The following TCF7L2 variants were observed in gnomAD, a reference collection of about 807,000 sequenced individuals.
The protein encoded by TCF7L2 is transcription factor 7-like 2.
A neutral mutation model predicts 77.9 loss-of-function variants in TCF7L2; 23 were observed. That is an observed-to-expected ratio of 0.30 (90% CI 0.21 to 0.42). The LOEUF is 0.42. TCF7L2 is among the 10% of genes least tolerant of loss of function. The pLI is 1.00. For missense variants in TCF7L2, 654 were observed against 793.1 expected, an observed-to-expected ratio of 0.82 and a Z score of 2.11; for synonymous variants, 413 against 340.2, an observed-to-expected ratio of 1.21 and a Z score of -2.36.
intron 3 of TCF7L2, among the ~76,000 whole-genome samples, chr10:112,961,090 C>T (rs560781768): frequency 8.0e-4 from 120 of 150,096 alleles, no homozygotes; most frequent in Admixed American, 1.6e-3. Context: ...TCTCGCTCAC[C>T]GCAACCTCCC....
At chr10:113,098,561 C>A (rs949490743) in intron 5 of TCF7L2, among the ~76,000 whole-genome samples, 1 of 151,852 alleles carries the variant, frequency 6.6e-6, no homozygotes, top group Non-Finnish European at 1.5e-5. Context: ...CAAAAATTAG[C>A]CAGGCATGGT....
chr10:113,049,431 C>T (rs975947202), intron 5 of TCF7L2, among the ~76,000 whole-genome samples: 11 of 152,088 alleles, frequency 7.2e-5, no homozygotes, highest in Admixed American at 2.6e-4. Flanking sequence ...TTCAACCCAT[C>T]AGCCCATCCC....
chr10:113,085,425 G>A (rs945316995), intron 5 of TCF7L2, among the ~76,000 whole-genome samples: 11 of 151,978 alleles, frequency 7.2e-5, no homozygotes, highest in Middle Eastern at 3.4e-3. Context: ...TGTATTTTTA[G>A]GGGTTTTGTT....
In TCF7L2 at chr10:112,951,603, G is replaced by T; in HGVS notation, c.377G>T (p.Arg126Leu). 2 of 1,295,700 alleles carry T rather than the reference G, an allele frequency of 1.5e-6. No homozygotes were observed. Among genetic ancestry groups the T allele is most frequent in the Non-Finnish European group, 2.0e-6 (2 of 994,196 alleles). 80.3% of individuals were successfully genotyped at this position (1,295,700 alleles called of 1,614,324 possible). Residue 126 changes from arginine (R) to leucine (L), a missense_variant, in exon 3 of 14, where the codon CGA becomes CTA. Around this residue, in one of 6 missense-constraint regions of TCF7L2, gnomAD observed 132 missense variants for 123.7 expected, o/e 1.07. Transcript: ENST00000627217. Reference sequence around the variant, plus strand: ...AACGGATCGCTCTCGCCCACCGCCCGAACCGTAAGTGCCTCCGCGCCCGGC... The same window carrying T: ...AACGGATCGCTCTCGCCCACCGCCCTAACCGTAAGTGCCTCCGCGCCCGGC...
At chr10:113,003,805 G>A (rs1416705200) in intron 4 of TCF7L2, among the ~76,000 whole-genome samples, 1 of 152,206 alleles carries the variant, frequency 6.6e-6, no homozygotes, top group East Asian at 1.9e-4. Flanking sequence ...CTGTTCGGCT[G>A]AAAATATACT....
chr10:113,047,060 A>T (rs778899057), intron 5 of TCF7L2, among the ~76,000 whole-genome samples: 1 of 152,178 alleles, frequency 6.6e-6, no homozygotes, highest in Admixed American at 6.5e-5. Flanking sequence ...TACTGAATCA[A>T]TGCCATATTG....
At chr10:112,974,532 C>T (rs2038987858) in intron 4 of TCF7L2, among the ~76,000 whole-genome samples, 1 of 152,164 alleles carries the variant, frequency 6.6e-6, no homozygotes, top group South Asian at 2.1e-4. Flanking sequence ...CCACTTCTGC[C>T]TCCTGAGTTC....
At chr10:113,040,296 T>C (rs549049596) in intron 5 of TCF7L2, among the ~76,000 whole-genome samples, 170 bp downstream of exon 5, 59 of 152,244 alleles carry the variant, frequency 3.9e-4, no homozygotes, top group Non-Finnish European at 7.8e-4. Context: ...TTTTCTGCTA[T>C]TGGACCTTAA....
At chr10:113,095,106 A>T (rs865852360) in intron 5 of TCF7L2, among the ~76,000 whole-genome samples, 1 of 152,222 alleles carries the variant, frequency 6.6e-6, no homozygotes, top group South Asian at 2.1e-4. Flanking sequence ...ACTCCATCTC[A>T]AAAAATAAAA....
At chr10:113,092,059 G>C (rs572698288) in intron 5 of TCF7L2, among the ~76,000 whole-genome samples, 1 of 152,124 alleles carries the variant, frequency 6.6e-6, no homozygotes, top group Non-Finnish European at 1.5e-5. Flanking sequence ...TTTGGTTGGC[G>C]GCAGGAGGTA....
intron 4 of TCF7L2, among the ~76,000 whole-genome samples, chr10:112,995,870 A>G (rs920598554): frequency 6.6e-6 from 1 of 152,072 alleles, no homozygotes; most frequent in Non-Finnish European, 1.5e-5. Context: ...CTGCAGCTTC[A>G]TCTTCATTGT....
At chr10:113,092,676 C>T (rs750504362) in intron 5 of TCF7L2, among the ~76,000 whole-genome samples, 2 of 152,028 alleles carry the variant, frequency 1.3e-5, no homozygotes, top group African/African-American at 2.4e-5. Context: ...GTCAGGAGTT[C>T]GACATGGTGA....
Position 113,167,379 on chromosome 10 carries a change from G to T in TCF7L2, c.*1407G>T. 4.4e-6 allele frequency: 1 copy of T among 225,652 alleles called. No individual in the cohort carries two copies. The highest frequency in any genetic ancestry group is 8.8e-6 in the Non-Finnish European group (1 of 113,436). The allele number at this position is 225,652 out of a possible 1,614,324, so 14.0% of individuals were successfully genotyped here. On this transcript the variant is annotated 3_prime_UTR_variant, in exon 14 of 14. Coordinates refer to ENST00000627217, the MANE Select transcript of TCF7L2 (RefSeq NM_001146274.2). ...AAAAAAACCTAGGCATGTTGATGTT[G>T]CAAAATGCTGTATAAAGCTGAAACC...
chr10:113,084,734 A>C (rs1280944235), intron 5 of TCF7L2, among the ~76,000 whole-genome samples: 1 of 151,690 alleles, frequency 6.6e-6, no homozygotes, highest in Non-Finnish European at 1.5e-5. Context: ...GTCTCTACCA[A>C]AAAAAATACA....
At chr10:113,119,521 C>T (rs1369306611) in intron 5 of TCF7L2, among the ~76,000 whole-genome samples, 1 of 152,096 alleles carries the variant, frequency 6.6e-6, no homozygotes, top group East Asian at 1.9e-4. Context: ...AAACACAAAT[C>T]CCTCCCTGAA....
chr10:113,088,171 C>T (rs911281999), intron 5 of TCF7L2, among the ~76,000 whole-genome samples: 5 of 151,880 alleles, frequency 3.3e-5, no homozygotes, highest in African/African-American at 1.2e-4. Context: ...AATATTATTT[C>T]TTGGTTGTGA....
intron 5 of TCF7L2, among the ~76,000 whole-genome samples, chr10:113,112,436 C>T (rs1046928249): frequency 6.6e-6 from 1 of 152,202 alleles, no homozygotes; most frequent in African/African-American, 2.4e-5. Context: ...ACCCGGCTAG[C>T]GACTGGCAAG....
At chr10:113,139,250 G>T (rs570446857) in intron 5 of TCF7L2, among the ~76,000 whole-genome samples, 1 of 152,136 alleles carries the variant, frequency 6.6e-6, no homozygotes, top group African/African-American at 2.4e-5. Context: ...CACTTTGTCC[G>T]TGTCTGTCTC....
rs57567068 is a variant in TCF7L2 at position 113,031,480 on chromosome 10, C to CTT, written c.451-8527_451-8526dup. On this transcript the variant is annotated intron_variant, in intron 4 of 13. Coordinates refer to ENST00000627217, the MANE Select transcript of TCF7L2 (RefSeq NM_001146274.2). ...CAGCAAGGTTTGGATACTGTGCAAC[C>CTT]TTTTTTTTTTTTTTTTTTTCCTTTT... 9.9e-3 allele frequency among the ~76,000 whole-genome samples: 1,341 copies of CTT among 134,834 alleles called. 10 individuals are homozygous for CTT. The highest frequency in any genetic ancestry group is 0.023 in the Middle Eastern group (6 of 262). 88.5% of individuals were successfully genotyped at this position (134,834 alleles called of 152,430 possible).
Sources: gnomAD v4.1 joint callset for allele counts (sites outside exome capture counted in the v4.1 genomes callset) on GRCh38, gnomAD v4.1.1 for gene constraint, gnomAD v4.1.1 regional missense constraint, MANE v1.5 for transcripts, NCBI Gene and HGNC (gene_info 2026-07-23, HGNC 2026-07-21) for gene names.